Variants in DNAJC8 observed in about 807,000 individuals in gnomAD.
The protein encoded by DNAJC8 is DnaJ heat shock protein family (Hsp40) member C8.
A neutral mutation model predicts 43.2 loss-of-function variants in DNAJC8; 24 were observed. The ratio of observed to expected loss-of-function variants is 0.56; its 90% CI spans 0.40 to 0.78. DNAJC8 has a LOEUF of 0.78. Ranked by LOEUF, DNAJC8 falls within the 30% of genes least tolerant of loss-of-function variation. DNAJC8 has a pLI of 0.00. For synonymous variants in DNAJC8, 83 were observed against 98.0 expected, an observed-to-expected ratio of 0.85 and a Z score of 0.90; for missense variants, 207 against 299.4, an observed-to-expected ratio of 0.69 and a Z score of 2.28.
intron 2 of DNAJC8, among the ~76,000 whole-genome samples, 175 bp downstream of exon 2, chr1:28,228,747 A>G (rs1646954494): frequency 6.6e-6 from 1 of 152,210 alleles, no homozygotes; most frequent in South Asian, 2.1e-4. Context: ...TCTGGTCCCA[A>G]GCATTTTGGA....
intron 5 of DNAJC8, among the ~76,000 whole-genome samples, chr1:28,209,245 C>T (rs184147167): frequency 7.1e-4 from 108 of 152,290 alleles, no homozygotes; most frequent in African/African-American, 2.4e-3. Flanking sequence ...ATTTTCCTCA[C>T]CGAAACTGGA....
At chr1:28,228,282 G>T (rs1646951290) in intron 2 of DNAJC8, among the ~76,000 whole-genome samples, 1 of 148,580 alleles carries the variant, frequency 6.7e-6, no homozygotes, top group Admixed American at 6.8e-5. Context: ...CTGGGAGAAG[G>T]AGGTTGCAGT....
chr1:28,206,406 G>A (rs1646768663), intron 6 of DNAJC8, among the ~76,000 whole-genome samples: 1 of 151,196 alleles, frequency 6.6e-6, no homozygotes. Context: ...TGAGCCACCA[G>A]AGGTTATTAT....
At position 28,215,148 on chromosome 1, in the gene DNAJC8, T is replaced by C. The variant is rs1646842207; in HGVS notation, c.181-152A>G. The C allele has an allele frequency of 2.5e-5, 13 of 518,976 alleles. No individual in the cohort carries two copies. In the South Asian group the frequency reaches 4.8e-4, roughly 19 times the overall value. 32.1% of individuals were successfully genotyped at this position (518,976 alleles called of 1,614,324 possible). On this transcript the variant is annotated intron_variant, in intron 2 of 8. Coordinates refer to ENST00000263697, the MANE Select transcript of DNAJC8 (RefSeq NM_014280.3). ...GCTGGCACACAGTTCTAGAAATTGC[T>C]AAAGAAATATGAATGATCAAATCAA...
At position 28,205,308 on chromosome 1, in the gene DNAJC8, T is replaced by C. The variant is rs754450358; in HGVS notation, c.513A>G (p.Ala171=). The C allele has an allele frequency of 7.4e-6, 12 of 1,613,684 alleles. No individual in the cohort carries two copies. The African/African-American group carries it at 1.6e-4, about 22-fold the overall frequency. Residue 171 remains alanine, a synonymous_variant, in exon 7 of 9, where the codon GCA becomes GCG. Coordinates refer to ENST00000263697, the MANE Select transcript of DNAJC8 (RefSeq NM_014280.3). ...TCTCTTTCCTTTTAATTTCCAGCTC[T>C]GCAAAGAGTTTCATTGTCTGTTTAT... The part of the protein sequence containing the change: ...AVYKQTMKLF[A]ELEIKRKERE...
intron 1 of DNAJC8, among the ~76,000 whole-genome samples, chr1:28,232,479 G>A (rs776497143): frequency 7.9e-5 from 12 of 152,088 alleles, no homozygotes; most frequent in Non-Finnish European, 4.4e-5. Context: ...GTAAAATGGG[G>A]GTAATATAAT....
At chr1:28,204,168 G>A (rs1468569171) in intron 7 of DNAJC8, among the ~76,000 whole-genome samples, 2 of 152,134 alleles carry the variant, frequency 1.3e-5, no homozygotes, top group Non-Finnish European at 2.9e-5. Flanking sequence ...CCATTATAAA[G>A]CCAAAGTTCT....
rs1239399217 is a variant in DNAJC8 at position 28,202,584 on chromosome 1, TTTTC to T, written c.639+1159_639+1162del. On this transcript the variant is annotated intron_variant, in intron 8 of 8. Coordinates refer to ENST00000263697, the MANE Select transcript of DNAJC8 (RefSeq NM_014280.3). ...ATGAGCCACCTCACCCGGCCTTTTT[TTTTC>T]TTTTTTTTTTTTTTTTTGAGACGGC... Among the ~76,000 whole-genome samples, 366 of 104,158 alleles carry T rather than the reference TTTTC, an allele frequency of 3.5e-3. 13 individuals carry two copies. The East Asian group carries it at 0.068, about 19-fold the overall frequency. 68.3% of individuals were successfully genotyped at this position (104,158 alleles called of 152,430 possible).
intron 2 of DNAJC8, among the ~76,000 whole-genome samples, chr1:28,225,353 TA>T (rs1159575937): frequency 6.6e-6 from 1 of 151,470 alleles, no homozygotes; most frequent in Non-Finnish European, 1.5e-5. Flanking sequence ...AAATATTTGT[TA>T]ATCTGAGATT....
intron 2 of DNAJC8, among the ~76,000 whole-genome samples, chr1:28,219,565 G>T (rs1040604902): frequency 1.3e-5 from 2 of 152,134 alleles, no homozygotes; most frequent in African/African-American, 4.8e-5. Context: ...GGACAGCTGG[G>T]CCCATTTGCA....
chr1:28,203,830 G>A lies in DNAJC8; in HGVS notation c.564-8C>T, dbSNP rs750030460. The A allele has an allele frequency of 1.9e-6, 3 of 1,613,814 alleles. No individual in the cohort carries two copies. The highest frequency in any genetic ancestry group is 1.1e-5 in the South Asian group (1 of 91,078). ...TCTTCCCTTTGTCGTTTCCTAGGAG[G>A]AAAACCAGATCATAGTATTTATATG... On this transcript the variant is annotated splice_polypyrimidine_tract_variant and splice_region_variant and intron_variant, in intron 7 of 8. Transcript: ENST00000263697.
At chr1:28,223,811 A>G (rs983174905) in intron 2 of DNAJC8, among the ~76,000 whole-genome samples, 1 of 152,144 alleles carries the variant, frequency 6.6e-6, no homozygotes, top group Non-Finnish European at 1.5e-5. Flanking sequence ...TGGACTGAAA[A>G]TGGATGTTGG....
intron 1 of DNAJC8, among the ~76,000 whole-genome samples, chr1:28,230,560 A>T (rs934867019): frequency 1.3e-5 from 2 of 152,160 alleles, no homozygotes; most frequent in African/African-American, 4.8e-5. Flanking sequence ...TCTATTTTTT[A>T]AAAAAATGAC....
chr1:28,208,206 C>T, intron 6 of DNAJC8, 136 bp downstream of exon 6: 1 of 622,736 alleles, frequency 1.6e-6, no homozygotes. Flanking sequence ...AACTCAGTCT[C>T]AAAAATAATA....
chr1:28,203,957 G>A (rs1646753073), intron 7 of DNAJC8, 135 bp from the exon 8 acceptor site: 1 of 830,050 alleles, frequency 1.2e-6, no homozygotes, highest in Non-Finnish European at 2.0e-6. Flanking sequence ...TGGCTGTCTG[G>A]AAAGGGCTCA....
chr1:28,209,820 C>T lies in DNAJC8; in HGVS notation c.399+152G>A, dbSNP rs577045403. ...GGTGAATTACAGCTTCAGGCACACA[C>T]TATTCATGACCACCACAGCAAAGTG... is the stretch of plus-strand genomic sequence containing the variant. On this transcript the variant is annotated intron_variant, in intron 5 of 8. Transcript: ENST00000263697. The T allele has an allele frequency of 1.4e-5, 9 of 640,808 alleles. No individual in the cohort carries two copies. The East Asian group carries it at 2.6e-4, about 18-fold the overall frequency. The allele number at this position is 640,808 out of a possible 1,614,324, so 39.7% of individuals were successfully genotyped here.
chr1:28,215,095 G>C, intron 2 of DNAJC8, 99 bp from the exon 3 acceptor site: 1 of 959,054 alleles, frequency 1.0e-6, no homozygotes, highest in Non-Finnish European at 1.5e-6. Context: ...TCAGCATCTA[G>C]AATAGTACCC....
intron 2 of DNAJC8, among the ~76,000 whole-genome samples, chr1:28,224,569 G>C (rs933739600): frequency 2.6e-5 from 4 of 151,938 alleles, no homozygotes; most frequent in African/African-American, 9.7e-5. Flanking sequence ...CGCCTGGCCA[G>C]GGAGACCCCA....
chr1:28,214,615 A>G (rs988765800), intron 3 of DNAJC8, among the ~76,000 whole-genome samples: 5 of 152,186 alleles, frequency 3.3e-5, no homozygotes, highest in African/African-American at 1.2e-4. Context: ...ATCATTTGAT[A>G]TGTTCCCTCC....
Sources: allele counts gnomAD v4.1 joint callset (sites outside exome capture counted in the v4.1 genomes callset), GRCh38; gene constraint gnomAD v4.1.1; transcripts MANE v1.5; gene names NCBI Gene and HGNC (gene_info 2026-07-23, HGNC 2026-07-21).